TCHHL1: variants seen among roughly 807,000 people sequenced by gnomAD.
The protein encoded by TCHHL1 is trichohyalin like 1, also known as trichohyalin-like protein 1.
In TCHHL1, 1 loss-of-function variant was observed where a neutral mutation model predicts 3.5. That is an observed-to-expected ratio of 0.29 (90% CI 0.10 to 1.36). The LOEUF (loss-of-function observed/expected upper bound fraction) is 1.36. TCHHL1 is among the 40% of genes most tolerant of loss of function. The pLI is 0.43. For missense variants in TCHHL1, 1,027 were observed against 1,032.8 expected, an observed-to-expected ratio of 0.99 and a Z score of 0.08; for synonymous variants, 405 against 375.3, an observed-to-expected ratio of 1.08 and a Z score of -0.92.
intron 2 of TCHHL1, 134 bp from the exon 3 acceptor site, chr1:152,087,677 G>A: frequency 1.0e-6 from 1 of 955,950 alleles, no homozygotes; most frequent in Non-Finnish European, 1.5e-6. Context: ...AGAACTTATT[G>A]GTTCTGCAAG....
Position 152,086,873 on chromosome 1 carries a change from T to A in TCHHL1, c.809A>T (p.Gln270Leu). The change falls in exon 3 of 3, where the codon CAA (glutamine) becomes CTA (leucine). Residue 270 changes from glutamine to leucine, a missense_variant. This residue lies in a region of TCHHL1 where 338 missense variants were observed against 335.9 expected (regional missense o/e 1.01). Transcript: ENST00000368806. ...AACTTCCTGATCTTCACATGGTCTT[T>A]GTGTTGCTTCTTTTGGTGGTGAACT... ...TQSSPPKEAT[Q>L]RPCEDQEVRT... is the part of the protein sequence containing the mutation. The A allele has an allele frequency of 6.2e-7, 1 of 1,614,218 alleles. No homozygotes were observed. The highest frequency in any genetic ancestry group is 8.5e-7 in the Non-Finnish European group (1 of 1,180,044).
In TCHHL1 at chr1:152,087,180, A is replaced by C. The variant is rs200849611; in HGVS notation, c.502T>G (p.Phe168Val). Reference protein sequence around the residue: ...DPWREAKTHNFPGEASEHNDP... With the variant: ...DPWREAKTHNVPGEASEHNDP... ...TTGTGTTCAGATGCTTCTCCTGGAAAGTTGTGAGTCTTGGCTTCTCTCCAT... is the reference window on the plus strand; with the variant it reads ...TTGTGTTCAGATGCTTCTCCTGGAACGTTGTGAGTCTTGGCTTCTCTCCAT... Residue 168 changes from phenylalanine to valine, a missense_variant, in exon 3 of 3, where the codon TTT (phenylalanine) becomes GTT (valine). Coordinates refer to ENST00000368806, the MANE Select transcript of TCHHL1 (RefSeq NM_001008536.2). The C allele has an allele frequency of 1.1e-5, 17 of 1,614,032 alleles. No homozygotes were observed. The highest frequency in any genetic ancestry group is 5.3e-5 in the African/African-American group (4 of 74,904).
At chr1:152,088,291 T>C in intron 1 of TCHHL1, 128 bp from the exon 2 acceptor site, 1 of 755,830 alleles carries the variant, frequency 1.3e-6, no homozygotes. Context: ...TCTTAAAATA[T>C]TATATCTGAA....
chr1:152,085,461 GT>G lies in TCHHL1; in HGVS notation c.2220del (p.Glu740AspfsTer3). The G allele has an allele frequency of 6.2e-7, 1 of 1,614,148 alleles. No homozygotes were observed. Among genetic ancestry groups the G allele is most frequent in the Non-Finnish European group, 8.5e-7 (1 of 1,180,024 alleles). On this transcript the variant is annotated frameshift_variant, in exon 3 of 3. Transcript: ENST00000368806. LOFTEE classifies it low-confidence loss of function (END_TRUNC). ...TCATCTTCCTCCTCTGATGTTACAG[GT>G]TCCTTTGTTTCAAGTTGTATCTTGA... ...ASLKIQLETK[E>X]PVTSEEEDES...
In TCHHL1 at chr1:152,086,143, A is replaced by G; in HGVS notation, c.1539T>C (p.Asn513=). The change falls in exon 3 of 3, where the codon AAT becomes AAC. Residue 513 remains asparagine (N), a synonymous_variant. Coordinates refer to ENST00000368806, the MANE Select transcript of TCHHL1 (RefSeq NM_001008536.2). The part of the protein sequence containing the change: ...APLEKQSVGE[N]TRVTKTHDQP... Reference sequence around the variant, plus strand: ...GGTCATGAGTCTTGGTGACCCTAGTATTTTCTCCTACAGACTGCTTCTCAA... The same window carrying G: ...GGTCATGAGTCTTGGTGACCCTAGTGTTTTCTCCTACAGACTGCTTCTCAA... 1.2e-6 allele frequency: 2 copies of G among 1,613,966 alleles called. No homozygotes were observed. Among genetic ancestry groups the G allele is most frequent in the Non-Finnish European group, 1.7e-6 (2 of 1,179,982 alleles).
At position 152,085,407 on chromosome 1, in the gene TCHHL1, C is replaced by T. The variant is rs1371366372; in HGVS notation, c.2275G>A (p.Gly759Ser). 5 of 1,614,196 alleles carry T rather than the reference C, an allele frequency of 3.1e-6. No homozygotes were observed. Among genetic ancestry groups the T allele is most frequent in the Non-Finnish European group, 3.4e-6 (4 of 1,180,036 alleles). ...ESPQELAGEG[G>S]DQKSPAKKEH... ...TTCTTGGCTGGACTTTTTTGGTCACCACCTTCTCCTGCCAGCTCTTGGGGA... is the reference window on the plus strand; with the variant it reads ...TTCTTGGCTGGACTTTTTTGGTCACTACCTTCTCCTGCCAGCTCTTGGGGA... The change falls in exon 3 of 3, where the codon GGT becomes AGT. Residue 759 changes from glycine to serine, a missense_variant. Transcript: ENST00000368806.
chr1:152,087,883 C>T (rs1312385511), intron 2 of TCHHL1, 123 bp downstream of exon 2: 1 of 1,220,646 alleles, frequency 8.2e-7, no homozygotes, highest in African/African-American at 1.5e-5. Flanking sequence ...GTTCAAGAGA[C>T]AGTGAGTGCT....
chr1:152,085,007 C>G lies in TCHHL1; in HGVS notation c.2675G>C (p.Arg892Thr), dbSNP rs770315483. 6.2e-7 allele frequency: 1 copy of G among 1,613,750 alleles called. No homozygotes were observed. The highest frequency in any genetic ancestry group is 8.5e-7 in the Non-Finnish European group (1 of 1,179,952). Residue 892 changes from arginine (R) to threonine (T), a missense_variant, in exon 3 of 3, where the codon AGG (arginine) becomes ACG (threonine). Transcript: ENST00000368806. ...GCTTGCCTCCCTTTGTAGTACCAGC[C>G]TCTCTCTCTGAGGGTGACCTTGCTT... Reference protein sequence around the residue: ...EDKQGHPQRERLVLQREASTT... With the variant: ...EDKQGHPQRETLVLQREASTT...
rs767882456 is a variant in TCHHL1 at position 152,087,430 on chromosome 1, A to G, written c.252T>C (p.Cys84=). The G allele has an allele frequency of 6.2e-7, 1 of 1,610,696 alleles. No homozygotes were observed. The highest frequency in any genetic ancestry group is 8.5e-7 in the Non-Finnish European group (1 of 1,180,002). ...VLAIFNLLNL[C]YLDIKSLLSS... is the part of the protein sequence containing the mutation. Reference sequence around the variant, plus strand: ...TTAGTAATGATTTTATGTCAAGATAACAGAGGTTCAACAAGTTGAAGATTG... The same window carrying G: ...TTAGTAATGATTTTATGTCAAGATAGCAGAGGTTCAACAAGTTGAAGATTG... Residue 84 remains cysteine, a synonymous_variant, in exon 3 of 3, where the codon TGT becomes TGC. Coordinates refer to ENST00000368806, the MANE Select transcript of TCHHL1 (RefSeq NM_001008536.2).
In TCHHL1 at chr1:152,088,006, C is replaced by G; in HGVS notation, c.138G>C (p.Gln46His). Residue 46 changes from glutamine (Q) to histidine (H), a missense_variant and splice_region_variant, in exon 2 of 3, where the codon CAG becomes CAC. Transcript: ENST00000368806. ...TTACACAGCTCTGTGAGAAGCTCACCTGAAAAAAGTCCCCAAACTCGCCCT... is the reference window on the plus strand; with the variant it reads ...TTACACAGCTCTGTGAGAAGCTCACGTGAAAAAAGTCCCCAAACTCGCCCT... ...LIQGEFGDFF[Q>H]PCVLHAVEKN... 6.3e-7 allele frequency: 1 copy of G among 1,590,862 alleles called. No homozygotes were observed.
rs977295921 is a variant in TCHHL1 at position 152,087,079 on chromosome 1, G to T, written c.603C>A (p.Asp201Glu). The change falls in exon 3 of 3, where the codon GAC becomes GAA. Residue 201 changes from aspartate to glutamate, a missense_variant. This residue lies in a region of TCHHL1 where 338 missense variants were observed against 335.9 expected (regional missense o/e 1.01). Coordinates refer to ENST00000368806, the MANE Select transcript of TCHHL1 (RefSeq NM_001008536.2). ...TATTTGTCTTAAGTTGGCCTTCATT[G>T]TCTTCTGTTGTTTGTATATCTTGAG... is the stretch of plus-strand genomic sequence containing the variant. ...EVAQDIQTTEDNEGQLKTNKP... is the reference protein window; with the variant it reads ...EVAQDIQTTEENEGQLKTNKP... 1 of 1,614,028 alleles carries T rather than the reference G, an allele frequency of 6.2e-7. No individual in the cohort carries two copies. Among genetic ancestry groups the T allele is most frequent in the Non-Finnish European group, 8.5e-7 (1 of 1,180,004 alleles).
chr1:152,086,793 C>T lies in TCHHL1; in HGVS notation c.889G>A (p.Asp297Asn). ...TCAGCATGCTGTGAACTGGGCTCAT[C>T]TTCTCTTTGTAGGGGTGGTTCTTGT... ...NIQEPPLQRE[D>N]EPSSQHADLP... Residue 297 changes from aspartate (D) to asparagine (N), a missense_variant, in exon 3 of 3, where the codon GAT (aspartate) becomes AAT (asparagine). Physicochemically the swap from Asp to Asn is conservative, Grantham distance 23. Around this residue, in one of 3 missense-constraint regions of TCHHL1, gnomAD observed 338 missense variants for 335.9 expected, o/e 1.01. Coordinates refer to ENST00000368806, the MANE Select transcript of TCHHL1 (RefSeq NM_001008536.2). 7 of 1,614,192 alleles carry T rather than the reference C, an allele frequency of 4.3e-6. No individual in the cohort carries two copies. Among genetic ancestry groups the T allele is most frequent in the Non-Finnish European group, 5.9e-6 (7 of 1,180,034 alleles).
chr1:152,086,367 C>A lies in TCHHL1; in HGVS notation c.1315G>T (p.Glu439Ter). 6.2e-7 allele frequency: 1 copy of A among 1,614,192 alleles called. No individual in the cohort carries two copies. The highest frequency in any genetic ancestry group is 1.1e-5 in the South Asian group (1 of 91,082). Residue 439 changes from glutamate (E) to a stop codon, truncating the protein, a stop_gained, in exon 3 of 3, where the codon GAA (glutamate) becomes TAA (stop). Coordinates refer to ENST00000368806, the MANE Select transcript of TCHHL1 (RefSeq NM_001008536.2). LOFTEE classifies it low-confidence loss of function (END_TRUNC). ...LQGLSKSKDA[E>*]KGSETQYLSS... ...AGATATTGTGTCTCAGAACCTTTTT[C>A]AGCATCTTTTGATTTTGATAATCCT...
chr1:152,088,050 C>G lies in TCHHL1; in HGVS notation c.94G>C (p.Glu32Gln). 6.2e-7 allele frequency: 1 copy of G among 1,610,892 alleles called. No individual in the cohort carries two copies. Among genetic ancestry groups the G allele is most frequent in the South Asian group, 1.1e-5 (1 of 90,534 alleles). ...DSNGATLTGRELKQLIQGEFG... is the reference protein window; with the variant it reads ...DSNGATLTGRQLKQLIQGEFG... The stretch of plus-strand genomic sequence containing the variant: ...TCGCCCTGGATGAGTTGTTTCAGCT[C>G]TCTGCCAGTCAGTGTTGCCCCGTTA... The change falls in exon 2 of 3, where the codon GAG (glutamate) becomes CAG (glutamine). Residue 32 changes from glutamate (E) to glutamine (Q), a missense_variant. Coordinates refer to ENST00000368806, the MANE Select transcript of TCHHL1 (RefSeq NM_001008536.2).
At chr1:152,088,263 C>A in intron 1 of TCHHL1, 100 bp from the exon 2 acceptor site, 2 of 1,017,178 alleles carry the variant, frequency 2.0e-6, no homozygotes, top group South Asian at 3.9e-5. Context: ...TCCACTGCAA[C>A]CCCTGCTCTA....
chr1:152,087,697 A>G (rs896932989), intron 2 of TCHHL1, among the ~76,000 whole-genome samples, 154 bp from the exon 3 acceptor site: 2 of 152,178 alleles, frequency 1.3e-5, no homozygotes, highest in African/African-American at 2.4e-5. Context: ...GCCATTTTTC[A>G]TCAGAGAGCT....
rs1657676592 is a variant in TCHHL1 at position 152,084,337 on chromosome 1, G to A, written c.*630C>T. On this transcript the variant is annotated 3_prime_UTR_variant, in exon 3 of 3. Coordinates refer to ENST00000368806, the MANE Select transcript of TCHHL1 (RefSeq NM_001008536.2). ...CAAAAGCTATGAAAAGTTTGTGTAA[G>A]GAGTGGGATTTAATAAAAATTTGTT... The A allele has an allele frequency of 6.0e-6, 1 of 166,932 alleles. No homozygotes were observed. The highest frequency in any genetic ancestry group is 2.4e-5 in the African/African-American group (1 of 41,438). The allele number at this position is 166,932 out of a possible 1,614,324, so 10.3% of individuals were successfully genotyped here. A position where few individuals can be genotyped will look rare whatever the true frequency, so the allele number is the denominator to read the frequency against.
rs956578046 is a variant in TCHHL1 at position 152,084,297 on chromosome 1, ATTGT to A, written c.*666_*669del. 2.3e-4 allele frequency: 39 copies of A among 167,502 alleles called. No individual in the cohort carries two copies. The highest frequency in any genetic ancestry group is 1.7e-3 in the Middle Eastern group (1 of 576). The allele number at this position is 167,502 out of a possible 1,614,324, so 10.4% of individuals were successfully genotyped here. A position where few individuals can be genotyped will look rare whatever the true frequency, so the allele number is the denominator to read the frequency against. ...GTGTTTTCTCTCATAATTATTCTTGATTGTTTATTTGAGCCAAAAGCTATGAAAA... is the reference window on the plus strand; with the variant it reads ...GTGTTTTCTCTCATAATTATTCTTGATTATTTGAGCCAAAAGCTATGAAAA... On this transcript the variant is annotated 3_prime_UTR_variant, in exon 3 of 3. Transcript: ENST00000368806.
At chr1:152,088,544 C>G (rs1286428204) in intron 1 of TCHHL1, among the ~76,000 whole-genome samples, 3 of 152,204 alleles carry the variant, frequency 2.0e-5, no homozygotes, top group African/African-American at 7.2e-5. Context: ...TATCTGCTCT[C>G]CTCTCCCTTT....
Sources: allele counts gnomAD v4.1 joint callset (sites outside exome capture counted in the v4.1 genomes callset), GRCh38; gene constraint gnomAD v4.1.1; regional missense constraint gnomAD v4.1.1; transcripts MANE v1.5; gene names NCBI Gene and HGNC (gene_info 2026-07-23, HGNC 2026-07-21).